TSHZ2: variants seen among roughly 807,000 people sequenced by gnomAD.
The protein encoded by TSHZ2 is teashirt zinc finger homeobox 2.
A neutral mutation model predicts 74.4 loss-of-function variants in TSHZ2; 21 were observed. The observed-to-expected ratio is 0.28, with a 90% CI of 0.20 to 0.41. The LOEUF (loss-of-function observed/expected upper bound fraction) is 0.41, where lower values mean the gene tolerates loss of function less well. TSHZ2 is among the 10% of genes least tolerant of loss of function. TSHZ2 has a pLI of 1.00. For synonymous variants in TSHZ2, 540 were observed against 515.3 expected, an observed-to-expected ratio of 1.05 and a Z score of -0.65; for missense variants, 1,244 against 1,293.5, an observed-to-expected ratio of 0.96 and a Z score of 0.59.
At chr20:53,200,207 G>T (rs965875265) in intron 1 of TSHZ2, among the ~76,000 whole-genome samples, 1 of 152,160 alleles carries the variant, frequency 6.6e-6, no homozygotes, top group Non-Finnish European at 1.5e-5. Context: ...GGTATACACA[G>T]TCTCCTTGGG....
intron 2 of TSHZ2, among the ~76,000 whole-genome samples, chr20:53,382,549 A>G (rs1171968981): frequency 6.6e-6 from 1 of 152,226 alleles, no homozygotes; most frequent in East Asian, 1.9e-4. Flanking sequence ...CAAAGAGAGC[A>G]CAGAGCAGCT....
At chr20:53,206,209 C>T (rs563852560) in intron 1 of TSHZ2, among the ~76,000 whole-genome samples, 22 of 152,196 alleles carry the variant, frequency 1.4e-4, no homozygotes, top group East Asian at 1.2e-3. Flanking sequence ...CAGAGCCAGA[C>T]GCCGTCTCAA....
At chr20:53,351,079 G>A (rs1393724857) in intron 2 of TSHZ2, among the ~76,000 whole-genome samples, 1 of 152,180 alleles carries the variant, frequency 6.6e-6, no homozygotes, top group Non-Finnish European at 1.5e-5. Flanking sequence ...CATTTCAATT[G>A]CAATTCGTTA....
chr20:53,098,132 G>A (rs909956790), intron 1 of TSHZ2: 1 of 152,162 alleles, frequency 6.6e-6, no homozygotes, highest in Non-Finnish European at 1.5e-5. Flanking sequence ...GCAGAATATT[G>A]TGGTTACGAG....
intron 1 of TSHZ2, among the ~76,000 whole-genome samples, chr20:53,102,151 C>G (rs369118897): frequency 6.6e-6 from 1 of 152,100 alleles, no homozygotes; most frequent in South Asian, 2.1e-4. Context: ...TTGATGGAAA[C>G]TGATTTCCTG....
chr20:53,061,823 C>T (rs939651153), intron 1 of TSHZ2, among the ~76,000 whole-genome samples: 5 of 152,102 alleles, frequency 3.3e-5, no homozygotes, highest in African/African-American at 9.7e-5. Flanking sequence ...TTAAAATCAA[C>T]GAATGTGCTT....
At chr20:53,366,441 T>C (rs1484737863) in intron 2 of TSHZ2, among the ~76,000 whole-genome samples, 1 of 152,258 alleles carries the variant, frequency 6.6e-6, no homozygotes, top group Non-Finnish European at 1.5e-5. Flanking sequence ...GCCTTTTGTG[T>C]GTGCCAATAC....
intron 2 of TSHZ2, among the ~76,000 whole-genome samples, chr20:53,291,259 G>GA (rs1447108271): frequency 2.6e-5 from 4 of 152,100 alleles, no homozygotes; most frequent in Non-Finnish European, 2.9e-5. Context: ...ATTGCTTGAG[G>GA]TCAGGAGTTC....
At chr20:53,218,750 A>G (rs1051662143) in intron 1 of TSHZ2, among the ~76,000 whole-genome samples, 1 of 152,260 alleles carries the variant, frequency 6.6e-6, no homozygotes, top group Non-Finnish European at 1.5e-5. Flanking sequence ...CAAAAGTGAG[A>G]AAACAGACTG....
intron 1 of TSHZ2, among the ~76,000 whole-genome samples, chr20:53,186,403 T>C (rs1005452909): frequency 2.6e-5 from 4 of 152,214 alleles, no homozygotes; most frequent in Admixed American, 1.3e-4. Context: ...AAAAACCCAC[T>C]GCAAACGTAC....
At chr20:53,180,941 C>A (rs1988453607) in intron 1 of TSHZ2, among the ~76,000 whole-genome samples, 1 of 152,110 alleles carries the variant, frequency 6.6e-6, no homozygotes, top group African/African-American at 2.4e-5. Flanking sequence ...CATATCCAGA[C>A]CGTCTGGATA....
intron 1 of TSHZ2, among the ~76,000 whole-genome samples, chr20:53,206,117 G>C (rs1245929983): frequency 3.3e-5 from 5 of 152,168 alleles, no homozygotes; most frequent in Non-Finnish European, 7.3e-5. Context: ...TACTCAGGAG[G>C]CTGAGGCAGG....
chr20:53,105,994 G>A (rs1386961372), intron 1 of TSHZ2, among the ~76,000 whole-genome samples: 1 of 152,060 alleles, frequency 6.6e-6, no homozygotes, highest in Non-Finnish European at 1.5e-5. Flanking sequence ...ATATTTATGG[G>A]GTACGATGTG....
intron 2 of TSHZ2, among the ~76,000 whole-genome samples, chr20:53,308,680 C>G (rs1029181521): frequency 6.6e-6 from 1 of 152,148 alleles, no homozygotes; most frequent in Non-Finnish European, 1.5e-5. Flanking sequence ...ATCCCCAGAT[C>G]ATTTATACAT....
intron 1 of TSHZ2, among the ~76,000 whole-genome samples, chr20:53,024,139 C>T (rs1441652874): frequency 2.0e-5 from 3 of 151,670 alleles, no homozygotes; most frequent in African/African-American, 7.3e-5. Context: ...AAGCTGTACT[C>T]ATAACCAGAG....
intron 2 of TSHZ2, among the ~76,000 whole-genome samples, chr20:53,414,297 T>C (rs1163397694): frequency 6.6e-6 from 1 of 152,170 alleles, no homozygotes; most frequent in Non-Finnish European, 1.5e-5. Context: ...TGTACTGTTT[T>C]TTCCCAGGAA....
rs59656180 is a variant in TSHZ2 at position 53,401,774 on chromosome 20, CTTTTTTTTTT to C, written c.*9-85356_*9-85347del. Among the ~76,000 whole-genome samples, 10 of 94,850 alleles carry C rather than the reference CTTTTTTTTTT, an allele frequency of 1.1e-4. No homozygotes were observed. In the East Asian group the frequency reaches 2.9e-3, roughly 28 times the overall value. 62.2% of individuals were successfully genotyped at this position (94,850 alleles called of 152,430 possible). A position where few individuals can be genotyped will look rare whatever the true frequency, so the allele number is the denominator to read the frequency against. On this transcript the variant is annotated intron_variant, in intron 2 of 2. Coordinates refer to ENST00000371497, the MANE Select transcript of TSHZ2 (RefSeq NM_173485.6). ...CCATGGTATATATACAACACATTTT[CTTTTTTTTTT>C]TTTTTTTTTTTTTCTTCAGACAGAG...
chr20:53,077,410 CAAA>C (rs11470532), intron 1 of TSHZ2, among the ~76,000 whole-genome samples: 33,517 of 137,306 alleles, frequency 0.24, 4,404 homozygotes, highest in Non-Finnish European at 0.31. Context: ...GACTCTACCT[CAAA>C]AAAAAAAAAA....
chr20:53,460,401 G>A (rs1428969900), intron 2 of TSHZ2, among the ~76,000 whole-genome samples: 1 of 152,138 alleles, frequency 6.6e-6, no homozygotes. Flanking sequence ...AGCTCCATCA[G>A]CTCCTTTAAG....
Sources: gnomAD v4.1 joint callset for allele counts (sites outside exome capture counted in the v4.1 genomes callset) on GRCh38, gnomAD v4.1.1 for gene constraint, MANE v1.5 for transcripts, NCBI Gene and HGNC (gene_info 2026-07-23, HGNC 2026-07-21) for gene names.